The following PRH1 variants were observed in gnomAD, a reference collection of about 807,000 sequenced individuals.
The protein encoded by PRH1 is proline rich protein HaeIII subfamily 1.
Under a neutral mutation model 7.9 loss-of-function variants are expected in PRH1, and 7 were observed. The observed-to-expected ratio is 0.89, with a 90% CI of 0.50 to 1.67. The LOEUF is 1.67. Among genes scored for constraint, PRH1 ranks in the 40% most tolerant of loss-of-function variants. PRH1 has a pLI of 0.00. For missense variants in PRH1, 109 were observed against 223.6 expected, an observed-to-expected ratio of 0.49 and a Z score of 3.27; for synonymous variants, 45 against 80.8, an observed-to-expected ratio of 0.56 and a Z score of 2.38.
At chr12:11,134,024 G>C (rs753033828) in intron 1 of PRH1, 2 of 1,614,076 alleles carry the variant, frequency 1.2e-6, no homozygotes, top group Non-Finnish European at 1.7e-6. Context: ...ACTATAAAAA[G>C]CTGGATTCAA....
intron 2 of PRH1, among the ~76,000 whole-genome samples, chr12:10,917,682 C>T (rs1193843831): frequency 1.3e-5 from 2 of 152,198 alleles, no homozygotes; most frequent in Non-Finnish European, 2.9e-5. Context: ...GTACACATTA[C>T]AGTCCCCAAT....
At chr12:10,938,699 C>A (rs1950337117) in intron 2 of PRH1, 2 of 1,614,034 alleles carry the variant, frequency 1.2e-6, no homozygotes, top group African/African-American at 1.3e-5. Flanking sequence ...TGTAAAGTTA[C>A]TTGAATCAGA....
At chr12:10,991,214 C>A (rs1018431830) in intron 1 of PRH1, among the ~76,000 whole-genome samples, 1 of 152,000 alleles carries the variant, frequency 6.6e-6, no homozygotes, top group East Asian at 1.9e-4. Context: ...TTATTTCATA[C>A]CATATATAAA....
chr12:10,970,505 A>T (rs1302455415), intron 2 of PRH1, among the ~76,000 whole-genome samples: 3 of 152,030 alleles, frequency 2.0e-5, no homozygotes, highest in African/African-American at 4.8e-5. Context: ...AGCATTAAGA[A>T]TTTGAATTTA....
chr12:11,041,157 T>TG (rs1565584229), intron 1 of PRH1, among the ~76,000 whole-genome samples: 1 of 141,752 alleles, frequency 7.1e-6, no homozygotes, highest in Non-Finnish European at 1.6e-5. Flanking sequence ...AAAGACATAG[T>TG]TTGGCTAAAT....
intron 2 of PRH1, among the ~76,000 whole-genome samples, chr12:10,941,410 G>T (rs531696806): frequency 2.0e-4 from 31 of 152,274 alleles, no homozygotes; most frequent in African/African-American, 6.7e-4. Flanking sequence ...CCTCAGAGAA[G>T]AGCAGTGTCT....
At chr12:10,884,941 A>G (rs547962068), upstream of PRH1, among the ~76,000 whole-genome samples, 2 of 152,212 alleles carry the variant, frequency 1.3e-5, no homozygotes, top group Non-Finnish European at 2.9e-5. Flanking sequence ...TTTGTATTTT[A>G]AAAATATCTT....
chr12:11,083,438 A>G (rs1042754971), intron 1 of PRH1, among the ~76,000 whole-genome samples: 7 of 152,196 alleles, frequency 4.6e-5, no homozygotes, highest in African/African-American at 1.7e-4. Flanking sequence ...AATTACAATG[A>G]TGTCTATAAG....
chr12:11,001,764 T>G (rs1398338106), intron 1 of PRH1, among the ~76,000 whole-genome samples: 2 of 152,148 alleles, frequency 1.3e-5, no homozygotes, highest in African/African-American at 4.8e-5. Context: ...ATAAATCAAT[T>G]ATTTAAATAT....
chr12:11,088,179 G>A (rs1944771314), intron 1 of PRH1, among the ~76,000 whole-genome samples: 1 of 129,768 alleles, frequency 7.7e-6, no homozygotes, highest in Non-Finnish European at 1.7e-5. Context: ...TAGCCCTACA[G>A]AAAATACAAA....
At chr12:10,993,876 A>C (rs1940067339) in intron 1 of PRH1, among the ~76,000 whole-genome samples, 1 of 152,224 alleles carries the variant, frequency 6.6e-6, no homozygotes, top group Non-Finnish European at 1.5e-5. Flanking sequence ...AGCCCACAGG[A>C]GAGGGGAGAG....
chr12:10,932,524 A>C (rs777080937), intron 2 of PRH1, among the ~76,000 whole-genome samples: 1 of 152,074 alleles, frequency 6.6e-6, no homozygotes, highest in Non-Finnish European at 1.5e-5. Flanking sequence ...TTTAAATTGC[A>C]CAATTATTTT....
chr12:10,973,594 C>A (rs1938936573), intron 2 of PRH1: 2 of 750,628 alleles, frequency 2.7e-6, no homozygotes. Context: ...CTGATACAGG[C>A]AGAAACCAAG....
At chr12:11,039,204 T>A (rs1017198202) in intron 1 of PRH1, among the ~76,000 whole-genome samples, 3 of 152,246 alleles carry the variant, frequency 2.0e-5, no homozygotes, top group African/African-American at 7.2e-5. Flanking sequence ...TGAATTTTTT[T>A]AAAGGCAGGC....
chr12:10,949,575 A>C (rs1300109623), intron 2 of PRH1, among the ~76,000 whole-genome samples: 1 of 152,244 alleles, frequency 6.6e-6, no homozygotes, highest in African/African-American at 2.4e-5. Context: ...TTTGTTAAGA[A>C]AAACATGATA....
chr12:11,111,272 G>A (rs1056765503), intron 1 of PRH1, among the ~76,000 whole-genome samples: 1 of 152,102 alleles, frequency 6.6e-6, no homozygotes, highest in Non-Finnish European at 1.5e-5. Flanking sequence ...AGGATATTAG[G>A]ACTTGAACTC....
At chr12:10,990,955 C>A (rs972454628) in intron 1 of PRH1, among the ~76,000 whole-genome samples, 1 of 152,176 alleles carries the variant, frequency 6.6e-6, no homozygotes, top group African/African-American at 2.4e-5. Flanking sequence ...GAAGAAACAA[C>A]GCTGGAGACT....
chr12:10,919,436 T>C (rs1950016171), intron 2 of PRH1, among the ~76,000 whole-genome samples: 1 of 152,220 alleles, frequency 6.6e-6, no homozygotes, highest in African/African-American at 2.4e-5. Flanking sequence ...GGACAGATTA[T>C]ATTATTTTTA....
At chr12:10,971,771 A>C (rs887736348) in intron 2 of PRH1, among the ~76,000 whole-genome samples, 2 of 152,098 alleles carry the variant, frequency 1.3e-5, no homozygotes, top group African/African-American at 4.8e-5. Flanking sequence ...TATTTATATA[A>C]AAATTATTAA....
Sources: gnomAD v4.1 joint callset for allele counts (sites outside exome capture counted in the v4.1 genomes callset) on GRCh38, gnomAD v4.1.1 for gene constraint, MANE v1.5 for transcripts, NCBI Gene and HGNC (gene_info 2026-07-23, HGNC 2026-07-21) for gene names.